Variants in SMCR8 observed in about 807,000 individuals in gnomAD.
SMCR8 encodes SMCR8-C9orf72 complex subunit, also known as guanine nucleotide exchange protein SMCR8.
In SMCR8, 30 loss-of-function variants were observed where a neutral mutation model predicts 56.6. That is an observed-to-expected ratio of 0.53 (90% CI 0.40 to 0.72). The LOEUF is 0.72. Among genes scored for constraint, SMCR8 ranks in the 30% least tolerant of loss-of-function variants. The pLI is 0.00. For synonymous variants in SMCR8, 538 were observed against 456.0 expected, an observed-to-expected ratio of 1.18 and a Z score of -2.29; for missense variants, 1,198 against 1,157.0, an observed-to-expected ratio of 1.04 and a Z score of -0.51.
intron 1 of SMCR8, among the ~76,000 whole-genome samples, chr17:18,319,299 G>A (rs994079682): frequency 6.6e-6 from 1 of 152,204 alleles, no homozygotes; most frequent in Non-Finnish European, 1.5e-5. Flanking sequence ...CACGTTTAGT[G>A]CATGTCCAAA....
At position 18,323,093 on chromosome 17, in the gene SMCR8, C is replaced by T. The variant is rs1212699103; in HGVS notation, c.*23C>T. ...TGAGGTCGGTCCCAGACACTGTGAC[C>T]AAGACCTGTGACTCAGGGTATGGGG... On this transcript the variant is annotated 3_prime_UTR_variant, in exon 2 of 2. Coordinates refer to ENST00000406438, the MANE Select transcript of SMCR8 (RefSeq NM_144775.3). 1.3e-6 allele frequency: 2 copies of T among 1,589,972 alleles called. No individual in the cohort carries two copies. The highest frequency in any genetic ancestry group is 1.7e-6 in the Non-Finnish European group (2 of 1,163,766).
Position 18,318,264 on chromosome 17 carries a change from CTG to C in SMCR8, c.2360+119_2360+120del, listed in dbSNP as rs1377554861. ...TCTAGACAGGGCCCAGTTCCTACCA[CTG>C]TGTTACTTTTGGCAAGTCATCCCCC... On this transcript the variant is annotated intron_variant, in intron 1 of 1. Transcript: ENST00000406438. 3.1e-5 allele frequency: 32 copies of C among 1,026,942 alleles called. No individual in the cohort carries two copies. In the East Asian group the frequency reaches 6.7e-4, roughly 22 times the overall value. 63.6% of individuals were successfully genotyped at this position (1,026,942 alleles called of 1,614,324 possible).
At chr17:18,319,792 C>T (rs12601400) in intron 1 of SMCR8, among the ~76,000 whole-genome samples, 16,577 of 152,174 alleles carry the variant, frequency 0.11, 1,012 homozygotes, top group South Asian at 0.18. Context: ...GTGATCTCAG[C>T]CCACTGCAGC....
chr17:18,316,648 C>T lies in SMCR8; in HGVS notation c.859C>T (p.Pro287Ser), dbSNP rs148607883. The T allele has an allele frequency of 1.9e-6, 3 of 1,614,164 alleles. No homozygotes were observed. The highest frequency in any genetic ancestry group is 3.3e-4 in the Middle Eastern group (2 of 6,062). ...QASQASTTSN[P>S]DESADTDLYT... ...CAGCCAGGCATCCACTACCTCTAACCCTGATGAGTCTGCCGACACAGACCT... is the reference window on the plus strand; with the variant it reads ...CAGCCAGGCATCCACTACCTCTAACTCTGATGAGTCTGCCGACACAGACCT... The change falls in exon 1 of 2, where the codon CCT becomes TCT. Residue 287 changes from proline (P) to serine (S), a missense_variant. By Grantham distance (74) the Pro-to-Ser change is moderately conservative. Coordinates refer to ENST00000406438, the MANE Select transcript of SMCR8 (RefSeq NM_144775.3).
rs763491247 is a variant in SMCR8 at position 18,317,005 on chromosome 17, T to G, written c.1216T>G (p.Cys406Gly). 3 of 1,614,092 alleles carry G rather than the reference T, an allele frequency of 1.9e-6. No homozygotes were observed. In the African/African-American group the frequency reaches 4.0e-5, roughly 22 times the overall value. ...GCCGCCTTCCAGTTCTCTAGAAGAA[T>G]GCCCAATTCCTAAAGTGTTAATTAG... ...DRPPSSSLEE[C>G]PIPKVLISVG... The change falls in exon 1 of 2, where the codon TGC becomes GGC. Residue 406 changes from cysteine (C) to glycine (G), a missense_variant. Coordinates refer to ENST00000406438, the MANE Select transcript of SMCR8 (RefSeq NM_144775.3).
rs200282137 is a variant in SMCR8, at chr17:18,322,622, C to T, written c.2366C>T (p.Ala789Val). 1.7e-5 allele frequency: 27 copies of T among 1,612,504 alleles called. No homozygotes were observed. The highest frequency in any genetic ancestry group is 2.2e-5 in the Non-Finnish European group (26 of 1,179,132). ...CCTTGGCCTGTCTGTTTCAGAGTGG[C>T]CTCCCCTGCCGGTGCCGGTACCCTC... is the stretch of plus-strand genomic sequence containing the variant. ...KWKLIGLQRVASPAGAGTLHA... is the reference protein window; with the variant it reads ...KWKLIGLQRVVSPAGAGTLHA... The change falls in exon 2 of 2, where the codon GCC (alanine) becomes GTC (valine). Residue 789 changes from alanine to valine, a missense_variant. Ala to Val is a moderately conservative substitution (Grantham distance 64). Coordinates refer to ENST00000406438, the MANE Select transcript of SMCR8 (RefSeq NM_144775.3).
chr17:18,316,281 AATC>A lies in SMCR8; in HGVS notation c.495_497del (p.Ile165del). On this transcript the variant is annotated inframe_deletion, in exon 1 of 2. Transcript: ENST00000406438. ...CTTATATCTCTGCAGACCAGCATAA[AATC>A]ATGCAGCAGTTCCAGGAGCTTTCAG... 1 of 1,614,024 alleles carries A rather than the reference AATC, an allele frequency of 6.2e-7. No individual in the cohort carries two copies. The highest frequency in any genetic ancestry group is 8.5e-7 in the Non-Finnish European group (1 of 1,180,036).
In SMCR8 at chr17:18,317,631, C is replaced by T; in HGVS notation, c.1842C>T (p.Ser614=). The change falls in exon 1 of 2, where the codon AGC becomes AGT. Residue 614 remains serine, a synonymous_variant. Coordinates refer to ENST00000406438, the MANE Select transcript of SMCR8 (RefSeq NM_144775.3). The part of the protein sequence containing the change: ...THSDEDGVVS[S]PPQRHRQKDQ... ...CTGACGAGGATGGGGTGGTGAGCAG[C>T]CCCCCACAGCGCCACAGGCAGAAGG... The T allele has an allele frequency of 6.2e-7, 1 of 1,614,122 alleles. No individual in the cohort carries two copies. Among genetic ancestry groups the T allele is most frequent in the Non-Finnish European group, 8.5e-7 (1 of 1,180,032 alleles).
rs140926016 is a variant in SMCR8, at chr17:18,316,449, C to A, written c.660C>A (p.Asn220Lys). 14 of 1,613,976 alleles carry A rather than the reference C, an allele frequency of 8.7e-6. No homozygotes were observed. Among genetic ancestry groups the A allele is most frequent in the African/African-American group, 1.3e-5 (1 of 74,918 alleles). The change falls in exon 1 of 2, where the codon AAC (asparagine) becomes AAA (lysine). Residue 220 changes from asparagine to lysine, a missense_variant. Coordinates refer to ENST00000406438, the MANE Select transcript of SMCR8 (RefSeq NM_144775.3). The stretch of plus-strand genomic sequence containing the variant: ...AAACGGAGATCCAGAAGAAAGCCAA[C>A]GACAAAGGCTTTTACTCATCTCAGG... ...HTETEIQKKA[N>K]DKGFYSSQAI...
chr17:18,317,782 A>T lies in SMCR8; in HGVS notation c.1993A>T (p.Lys665Ter). Residue 665 changes from lysine (K) to a stop codon, truncating the protein, a stop_gained, in exon 1 of 2, where the codon AAG becomes TAG. Transcript: ENST00000406438. LOFTEE classifies it high-confidence loss of function. ...CCTGCTGGCTAGCCGGGACATCAGT[A>T]AGACCAGCCTGGACAACTACTCAGA... ...SHLLASRDIS[K>*]TSLDNYSDTT... 1 of 1,614,176 alleles carries T rather than the reference A, an allele frequency of 6.2e-7. No individual in the cohort carries two copies. Among genetic ancestry groups the T allele is most frequent in the South Asian group, 1.1e-5 (1 of 91,086 alleles).
Position 18,317,601 on chromosome 17 carries a change from A to G in SMCR8, c.1812A>G (p.Thr604=), listed in dbSNP as rs1430849207. Residue 604 remains threonine (T), a synonymous_variant, in exon 1 of 2, where the codon ACA becomes ACG. Coordinates refer to ENST00000406438, the MANE Select transcript of SMCR8 (RefSeq NM_144775.3). ...TGCTGCCCTCCACTCCAGCCCACAC[A>G]CACTCTGACGAGGATGGGGTGGTGA... is the stretch of plus-strand genomic sequence containing the variant. ...QLVLPSTPAH[T]HSDEDGVVSS... 3.1e-6 allele frequency: 5 copies of G among 1,614,172 alleles called. No homozygotes were observed. In the East Asian group the frequency reaches 6.7e-5, roughly 22 times the overall value.
Position 18,317,627 on chromosome 17 carries a change from G to C in SMCR8, c.1838G>C (p.Ser613Thr). 1 of 1,614,150 alleles carries C rather than the reference G, an allele frequency of 6.2e-7. No homozygotes were observed. The highest frequency in any genetic ancestry group is 1.1e-5 in the South Asian group (1 of 91,088). Residue 613 changes from serine (S) to threonine (T), a missense_variant, in exon 1 of 2, where the codon AGC becomes ACC. Ser to Thr is a moderately conservative substitution (Grantham distance 58, BLOSUM62 1). Coordinates refer to ENST00000406438, the MANE Select transcript of SMCR8 (RefSeq NM_144775.3). ...CACTCTGACGAGGATGGGGTGGTGA[G>C]CAGCCCCCCACAGCGCCACAGGCAG... ...HTHSDEDGVV[S>T]SPPQRHRQKD...
At chr17:18,319,671 A>C (rs1982439363) in intron 1 of SMCR8, among the ~76,000 whole-genome samples, 1 of 152,148 alleles carries the variant, frequency 6.6e-6, no homozygotes, top group South Asian at 2.1e-4. Context: ...ATGGCTAAAC[A>C]ACCAAGCTGG....
At position 18,327,761 on chromosome 17, in the gene SMCR8, C is replaced by T. The variant is rs1982724954; in HGVS notation, c.*4691C>T. 4 of 152,456 alleles carry T rather than the reference C, an allele frequency of 2.6e-5. No homozygotes were observed. Among genetic ancestry groups the T allele is most frequent in the Admixed American group, 6.6e-5 (1 of 15,216 alleles). The allele number at this position is 152,456 out of a possible 1,614,324, so 9.4% of individuals were successfully genotyped here. A position where few individuals can be genotyped will look rare whatever the true frequency, so the allele number is the denominator to read the frequency against. On this transcript the variant is annotated 3_prime_UTR_variant, in exon 2 of 2. Coordinates refer to ENST00000406438, the MANE Select transcript of SMCR8 (RefSeq NM_144775.3). ...TCCCCGCCACCACGTGAGGTGCAGT[C>T]GTTGCAGCGGCTGGTGCAGGAGTGC...
chr17:18,315,844 G>C lies in SMCR8; in HGVS notation c.55G>C (p.Glu19Gln), dbSNP rs1329172835. 1 of 1,612,648 alleles carries C rather than the reference G, an allele frequency of 6.2e-7. No individual in the cohort carries two copies. Among genetic ancestry groups the C allele is most frequent in the South Asian group, 1.1e-5 (1 of 91,056 alleles). ...AFTKEEEYEE[E>Q]PYNEPALPEE... ...CACCAAAGAGGAAGAGTATGAAGAAGAGCCTTACAATGAGCCGGCCCTGCC... is the reference window on the plus strand; with the variant it reads ...CACCAAAGAGGAAGAGTATGAAGAACAGCCTTACAATGAGCCGGCCCTGCC... The change falls in exon 1 of 2, where the codon GAG (glutamate) becomes CAG (glutamine). Residue 19 changes from glutamate to glutamine, a missense_variant. Coordinates refer to ENST00000406438, the MANE Select transcript of SMCR8 (RefSeq NM_144775.3).
chr17:18,320,631 G>A (rs1982470044), intron 1 of SMCR8, among the ~76,000 whole-genome samples: 1 of 152,206 alleles, frequency 6.6e-6, no homozygotes, highest in Non-Finnish European at 1.5e-5. Context: ...GAACACAGGG[G>A]CCATGCAGCA....
rs1038537330 is a variant in SMCR8 at position 18,319,144 on chromosome 17, C to T, written c.2360+995C>T. On this transcript the variant is annotated intron_variant, in intron 1 of 1. Coordinates refer to ENST00000406438, the MANE Select transcript of SMCR8 (RefSeq NM_144775.3). ...AACTGTTGTGGGCTGTGGCAGTTAG[C>T]GGGAGCAGTGGGTGGTCTGGGTCAA... Among the ~76,000 whole-genome samples, 5 of 152,168 alleles carry T rather than the reference C, an allele frequency of 3.3e-5. No homozygotes were observed. In the East Asian group the frequency reaches 7.7e-4, roughly 23 times the overall value.
rs778859389 is a variant in SMCR8 at position 18,316,075 on chromosome 17, T to G, written c.286T>G (p.Ser96Ala). 6 of 1,614,194 alleles carry G rather than the reference T, an allele frequency of 3.7e-6. No homozygotes were observed. The highest frequency in any genetic ancestry group is 5.1e-6 in the Non-Finnish European group (6 of 1,180,036). The change falls in exon 1 of 2, where the codon TCT (serine) becomes GCT (alanine). Residue 96 changes from serine (S) to alanine (A), a missense_variant. By Grantham distance (99) the Ser-to-Ala change is moderately conservative. Transcript: ENST00000406438. ...DLNYFSLRIM[S>A]VDYQASFVGH... ...CAATTACTTCTCCCTGCGTATCATG[T>G]CTGTGGATTACCAGGCTTCCTTCGT...
At position 18,317,530 on chromosome 17, in the gene SMCR8, A is replaced by G. The variant is rs747117454; in HGVS notation, c.1741A>G (p.Ile581Val). The G allele has an allele frequency of 1.9e-6, 3 of 1,614,088 alleles. No individual in the cohort carries two copies. Among genetic ancestry groups the G allele is most frequent in the Non-Finnish European group, 1.7e-6 (2 of 1,180,032 alleles). The change falls in exon 1 of 2, where the codon ATA becomes GTA. Residue 581 changes from isoleucine to valine, a missense_variant. Transcript: ENST00000406438. Reference protein sequence around the residue: ...EGSIENTPSQIDSSCCIGKES... With the variant: ...EGSIENTPSQVDSSCCIGKES... ...CAGCATAGAAAACACCCCATCACAAATAGACTCCTCCTGCTGTATTGGGAA... is the reference window on the plus strand; with the variant it reads ...CAGCATAGAAAACACCCCATCACAAGTAGACTCCTCCTGCTGTATTGGGAA...
Sources: gnomAD v4.1 joint callset for allele counts (sites outside exome capture counted in the v4.1 genomes callset) on GRCh38, gnomAD v4.1.1 for gene constraint, MANE v1.5 for transcripts, NCBI Gene and HGNC (gene_info 2026-07-23, HGNC 2026-07-21) for gene names.